Variants in SRSF1 observed in about 807,000 individuals in gnomAD.
The protein encoded by SRSF1 is serine/arginine-rich splicing factor 1.
In SRSF1, 1 loss-of-function variant was observed where a neutral mutation model predicts 25.9. That is an observed-to-expected ratio of 0.04 (90% CI 0.01 to 0.18). The LOEUF (loss-of-function observed/expected upper bound fraction) is 0.18, where lower values mean the gene tolerates loss of function less well. Ranked by LOEUF, SRSF1 falls within the 10% of genes least tolerant of loss-of-function variation. The pLI is 1.00. For synonymous variants in SRSF1, 132 were observed against 126.2 expected (o/e 1.05, Z -0.31); for missense variants, 65 against 350.5 (o/e 0.19, Z 6.50).
downstream of SRSF1, among the ~76,000 whole-genome samples, chr17:57,996,492 A>AAAAAAT (rs1035213074): frequency 6.6e-6 from 1 of 150,588 alleles, no homozygotes; most frequent in Non-Finnish European, 1.5e-5. Flanking sequence ...TTAAAAAAAA[A>AAAAAAT]AAAAAAAAAA....
chr17:57,989,993 T>G, the SRSF1 span: 2 of 366,974 alleles, frequency 5.4e-6, no homozygotes, highest in Non-Finnish European at 9.7e-6. Context: ...CAAATCTGCT[T>G]CTTCCCTGCC....
chr17:57,995,347 GTTA>G, the SRSF1 span, among the ~76,000 whole-genome samples: 3 of 152,194 alleles, frequency 2.0e-5, no homozygotes, highest in South Asian at 2.1e-4. Context: ...CTGCTGTGTA[GTTA>G]TTGAGTGGCT....
chr17:58,007,227 C>T lies in SRSF1; in HGVS notation c.-90G>A, dbSNP rs2075437315. The T allele has an allele frequency of 1.3e-6, 2 of 1,484,632 alleles. No individual in the cohort carries two copies. The highest frequency in any genetic ancestry group is 1.8e-6 in the Non-Finnish European group (2 of 1,089,014). The allele number at this position is 1,484,632 out of a possible 1,614,324, so 92.0% of individuals were successfully genotyped here. A position where few individuals can be genotyped will look rare whatever the true frequency, so the allele number is the denominator to read the frequency against. On this transcript the variant is annotated 5_prime_UTR_variant, in exon 1 of 4. Coordinates refer to ENST00000258962, the MANE Select transcript of SRSF1 (RefSeq NM_006924.5). Reference sequence around the variant, plus strand: ...GAGCCCGCAGCGGCACCACGTCTCCCGCGGCCCCTCCAAAATGGCGCCTTT... The same window carrying T: ...GAGCCCGCAGCGGCACCACGTCTCCTGCGGCCCCTCCAAAATGGCGCCTTT...
chr17:57,999,678 T>G (rs915934870), downstream of SRSF1, among the ~76,000 whole-genome samples: 2 of 152,152 alleles, frequency 1.3e-5, no homozygotes, highest in Non-Finnish European at 2.9e-5. Flanking sequence ...GTGTTATAGC[T>G]CCCTCTAGTG....
Position 58,006,424 on chromosome 17 carries a change from C to A in SRSF1, c.298G>T (p.Gly100Cys). The change falls in exon 2 of 4, where the codon GGC becomes TGC. Residue 100 changes from glycine to cysteine, a missense_variant. Physicochemically the swap from Gly to Cys is radical, Grantham distance 159. Coordinates refer to ENST00000258962, the MANE Select transcript of SRSF1 (RefSeq NM_006924.5). ...RSGRGTGRGGGGGGGGGAPRG... is the reference protein window; with the variant it reads ...RSGRGTGRGGCGGGGGGAPRG... ...GGAGCTCCGCCACCTCCACCCCCGCCGCCGCCTCGGCCTGTTCCACGGCCG... is the reference window on the plus strand; with the variant it reads ...GGAGCTCCGCCACCTCCACCCCCGCAGCCGCCTCGGCCTGTTCCACGGCCG... The A allele has an allele frequency of 6.2e-7, 1 of 1,613,224 alleles. No individual in the cohort carries two copies. Among genetic ancestry groups the A allele is most frequent in the Non-Finnish European group, 8.5e-7 (1 of 1,180,032 alleles).
intron 2 of SRSF1, 43 bp downstream of exon 2, chr17:58,006,300 G>A: frequency 6.5e-7 from 1 of 1,549,482 alleles, no homozygotes. Flanking sequence ...ATTTTAGGTA[G>A]TTTTCGTCCC....
At chr17:58,006,189 ACAGCAGCAAT>A (rs2075425904) in intron 2 of SRSF1, 144 bp downstream of exon 2, 1 of 1,077,376 alleles carries the variant, frequency 9.3e-7, no homozygotes, top group Non-Finnish European at 1.3e-6. Context: ...GTAAATCACC[ACAGCAGCAAT>A]CCTCGTTTAT....
downstream of SRSF1, among the ~76,000 whole-genome samples, chr17:58,000,376 C>A (rs117585109): frequency 6.6e-6 from 1 of 152,150 alleles, no homozygotes; most frequent in African/African-American, 2.4e-5. Context: ...ACATAATGAA[C>A]AGATGTTTCC....
At chr17:57,996,346 T>A (rs1165375461), downstream of SRSF1, among the ~76,000 whole-genome samples, 1 of 151,814 alleles carries the variant, frequency 6.6e-6, no homozygotes, top group Non-Finnish European at 1.5e-5. Flanking sequence ...TAGCTAGGTG[T>A]GGTGGCAGGT....
Position 58,002,496 on chromosome 17 carries a change from C to CAAGGGGCT in SRSF1, c.*2902_*2909dup, listed in dbSNP as rs1181914567. The stretch of plus-strand genomic sequence containing the variant: ...TCCCCTCCCCCAACCTAAATAGTAC[C>CAAGGGGCT]AAGGGGCTGTCAGTAGACAAATACA... On this transcript the variant is annotated 3_prime_UTR_variant, in exon 4 of 4. Transcript: ENST00000258962. Among the ~76,000 whole-genome samples, 2 of 152,076 alleles carry CAAGGGGCT rather than the reference C, an allele frequency of 1.3e-5. No homozygotes were observed. The highest frequency in any genetic ancestry group is 1.3e-4 in the Admixed American group (2 of 15,262).
At chr17:57,994,240 A>T in the SRSF1 span, 1 of 152,254 alleles carries the variant, frequency 6.6e-6, no homozygotes, top group Non-Finnish European at 1.5e-5. Flanking sequence ...CCTCCTACAT[A>T]GCACATCTAG....
chr17:58,005,660 G>A lies in SRSF1; in HGVS notation c.553-60C>T, dbSNP rs1327410266. 1 of 1,609,586 alleles carries A rather than the reference G, an allele frequency of 6.2e-7. No individual in the cohort carries two copies. The highest frequency in any genetic ancestry group is 1.3e-5 in the African/African-American group (1 of 74,662). On this transcript the variant is annotated intron_variant, in intron 3 of 3. Coordinates refer to ENST00000258962, the MANE Select transcript of SRSF1 (RefSeq NM_006924.5). The surrounding 1 kb of genome is among the most constrained non-coding windows in gnomAD (Gnocchi z 5.2). The stretch of plus-strand genomic sequence containing the variant: ...TAAGCTTTCATCTATCTTCAGACAT[G>A]CTGAATGAATACAATGTAACTAAAA...
the SRSF1 span, chr17:57,993,993 G>C: frequency 6.6e-6 from 1 of 152,206 alleles, no homozygotes; most frequent in African/African-American, 2.4e-5. Flanking sequence ...ACCCAAGCCA[G>C]TGAAAACACT....
Position 58,002,759 on chromosome 17 carries a change from C to T in SRSF1, c.*2647G>A, listed in dbSNP as rs941154387. ...GAGCATGGTGGCTCACACCTGTAAT[C>T]CTAACACTTTGGGAGGCCAAGGCAG... On this transcript the variant is annotated 3_prime_UTR_variant, in exon 4 of 4. Transcript: ENST00000258962. 6.6e-6 allele frequency among the ~76,000 whole-genome samples: 1 copy of T among 152,178 alleles called. No individual in the cohort carries two copies. The highest frequency in any genetic ancestry group is 1.5e-5 in the Non-Finnish European group (1 of 68,052).
At chr17:57,996,482 T>TAAAAAAAA (rs2075365131), downstream of SRSF1, among the ~76,000 whole-genome samples, 1 of 472 alleles carries the variant, frequency 2.1e-3, no homozygotes, top group African/African-American at 9.8e-3. Flanking sequence ...AGACACTGTC[T>TAAAAAAAA]TAAAAAAAAA....
rs543680575 is a variant in SRSF1, at chr17:58,002,452, A to G, written c.*2954T>C. ...ATGATTAGCACCCAAGGGAAATGTTAAAGTCTATTTATTTTAGGTCCCCTC... is the reference window on the plus strand; with the variant it reads ...ATGATTAGCACCCAAGGGAAATGTTGAAGTCTATTTATTTTAGGTCCCCTC... On this transcript the variant is annotated 3_prime_UTR_variant, in exon 4 of 4. Coordinates refer to ENST00000258962, the MANE Select transcript of SRSF1 (RefSeq NM_006924.5). Among the ~76,000 whole-genome samples, 1 of 152,290 alleles carries G rather than the reference A, an allele frequency of 6.6e-6. No homozygotes were observed. Among genetic ancestry groups the G allele is most frequent in the East Asian group, 1.9e-4 (1 of 5,160 alleles).
downstream of SRSF1, among the ~76,000 whole-genome samples, chr17:57,997,331 C>CGTTA (rs2075369194): frequency 1.3e-5 from 2 of 152,196 alleles, no homozygotes; most frequent in African/African-American, 4.8e-5. Context: ...CTCCAATAAT[C>CGTTA]CACCCAGTTA....
Position 58,005,246 on chromosome 17 carries a change from G to A in SRSF1, c.*160C>T, listed in dbSNP as rs1270376732. The A allele has an allele frequency of 4.2e-6, 3 of 711,130 alleles. No homozygotes were observed. Among genetic ancestry groups the A allele is most frequent in the Non-Finnish European group, 7.0e-6 (3 of 431,222 alleles). 44.1% of individuals were successfully genotyped at this position (711,130 alleles called of 1,614,324 possible). On this transcript the variant is annotated 3_prime_UTR_variant, in exon 4 of 4. Transcript: ENST00000258962. The surrounding 1 kb of genome is among the most constrained non-coding windows in gnomAD (Gnocchi z 5.2). ...AAATACAATTTATCAAAGACACGAA[G>A]GGAATGTAGATGTTAGGAGCAAGGG...
At chr17:58,006,777 G>C in intron 1 of SRSF1, 167 bp downstream of exon 1, 1 of 955,758 alleles carries the variant, frequency 1.0e-6, no homozygotes, top group Non-Finnish European at 1.5e-6. Context: ...AGGCGCCAGA[G>C]AAGCCACATC....
Sources: allele counts gnomAD v4.1 joint callset (sites outside exome capture counted in the v4.1 genomes callset), GRCh38; gene constraint gnomAD v4.1.1; non-coding constraint Gnocchi (gnomAD v3.1); transcripts MANE v1.5; gene names NCBI Gene and HGNC (gene_info 2026-07-23, HGNC 2026-07-21).